The following PCSK5 variants were observed in gnomAD, a reference collection of about 807,000 sequenced individuals.
PCSK5 encodes the protein prohormone convertase 5.
PCSK5 carries 129 observed loss-of-function variants against 233.2 expected under a neutral mutation model. The ratio of observed to expected loss-of-function variants is 0.55; its 90% CI spans 0.48 to 0.64. The LOEUF (loss-of-function observed/expected upper bound fraction) is 0.64, where lower values mean the gene tolerates loss of function less well. Among genes scored for constraint, PCSK5 ranks in the 30% least tolerant of loss-of-function variants. The pLI is 0.00. For synonymous variants in PCSK5, 825 were observed against 879.2 expected (o/e 0.94, Z 1.09); for missense variants, 2,076 against 2,430.1 (o/e 0.85, Z 3.06).
intron 2 of PCSK5, among the ~76,000 whole-genome samples, chr9:75,960,283 G>T (rs542270447): frequency 6.6e-6 from 1 of 152,314 alleles, no homozygotes; most frequent in Admixed American, 6.5e-5. Context: ...TTACAAGCTG[G>T]AGAACTGAAG....
chr9:76,008,658 C>T (rs1827588935), intron 3 of PCSK5, among the ~76,000 whole-genome samples: 1 of 152,130 alleles, frequency 6.6e-6, no homozygotes, highest in Non-Finnish European at 1.5e-5. Flanking sequence ...GACAGGGTTT[C>T]ACTGTGTTGG....
chr9:76,172,834 T>G (rs1220271889), intron 13 of PCSK5, among the ~76,000 whole-genome samples: 2 of 152,154 alleles, frequency 1.3e-5, no homozygotes, highest in Admixed American at 6.5e-5. Flanking sequence ...AATACCCTGA[T>G]TGTGAAAAGC....
At chr9:76,219,664 C>G (rs183801886) in intron 20 of PCSK5, among the ~76,000 whole-genome samples, 1 of 152,108 alleles carries the variant, frequency 6.6e-6, no homozygotes, top group Non-Finnish European at 1.5e-5. Context: ...CTGGCAGTGT[C>G]GTGCTCACTC....
intron 3 of PCSK5, among the ~76,000 whole-genome samples, chr9:76,022,557 A>G (rs913724638): frequency 6.6e-6 from 1 of 152,170 alleles, no homozygotes; most frequent in Non-Finnish European, 1.5e-5. Flanking sequence ...CCCGAGTCTT[A>G]AGAACCTGGA....
At chr9:76,088,585 G>A (rs891298796) in intron 7 of PCSK5, among the ~76,000 whole-genome samples, 3 of 152,078 alleles carry the variant, frequency 2.0e-5, no homozygotes, top group African/African-American at 4.8e-5. Context: ...TTTTTTGAGG[G>A]GATGGATGAT....
chr9:76,348,684 G>A (rs1830039958), intron 35 of PCSK5, among the ~76,000 whole-genome samples: 1 of 151,888 alleles, frequency 6.6e-6, no homozygotes. Flanking sequence ...AATTTTGAAA[G>A]TACAATACAT....
chr9:76,218,738 C>G (rs1825627194), intron 20 of PCSK5, among the ~76,000 whole-genome samples: 1 of 152,158 alleles, frequency 6.6e-6, no homozygotes, highest in Non-Finnish European at 1.5e-5. Context: ...TAATTTCACA[C>G]AGCTGGAGAA....
chr9:76,063,337 T>C (rs1456901739), intron 5 of PCSK5, among the ~76,000 whole-genome samples: 1 of 138,722 alleles, frequency 7.2e-6, no homozygotes, highest in Non-Finnish European at 1.6e-5. Flanking sequence ...TTTTTTTTTT[T>C]TTTTTTTTTT....
chr9:76,271,350 T>A (rs995589185), intron 24 of PCSK5, among the ~76,000 whole-genome samples: 1 of 152,240 alleles, frequency 6.6e-6, no homozygotes, highest in African/African-American at 2.4e-5. Context: ...TCTGGGCATA[T>A]GAGTTCCTTC....
chr9:76,054,442 C>G (rs986949638), intron 5 of PCSK5, among the ~76,000 whole-genome samples: 2 of 151,986 alleles, frequency 1.3e-5, no homozygotes, highest in African/African-American at 4.8e-5. Flanking sequence ...TAGACTGGGG[C>G]AGATAAAAGG....
chr9:76,302,360 G>T, intron 28 of PCSK5, 143 bp downstream of exon 28: 1 of 333,390 alleles, frequency 3.0e-6, no homozygotes. Flanking sequence ...AAAAGTTGGA[G>T]ACAGGAGGGG....
intron 8 of PCSK5, among the ~76,000 whole-genome samples, chr9:76,097,211 G>GT (rs1564024308): frequency 6.9e-6 from 1 of 145,320 alleles, no homozygotes; most frequent in Admixed American, 7.0e-5. Context: ...GGGATTACAG[G>GT]TGTAAGGCAC....
At position 76,362,478 on chromosome 9, in the gene PCSK5, C is replaced by A. The variant is rs1356291576; in HGVS notation, c.*3556C>A. On this transcript the variant is annotated 3_prime_UTR_variant, in exon 38 of 38. Coordinates refer to ENST00000674117, the MANE Select transcript of PCSK5 (RefSeq NM_001372043.1). ...TATCTTCCTACACTCAAAGACCAAG[C>A]TAGCTTTATCAATTCTGAATTTTCT... 1 of 152,186 alleles carries A rather than the reference C, an allele frequency of 6.6e-6. No homozygotes were observed. The highest frequency in any genetic ancestry group is 1.9e-4 in the East Asian group (1 of 5,186). 9.4% of individuals were successfully genotyped at this position (152,186 alleles called of 1,614,324 possible).
Position 76,295,398 on chromosome 9 carries a change from C to T in PCSK5, c.3309C>T (p.Gly1103=), listed in dbSNP as rs1441811382. Residue 1103 remains glycine, a synonymous_variant, in exon 26 of 38, where the codon GGC becomes GGT. Transcript: ENST00000674117. ...ATGGGTGTTACTGGTGTGAAGAGGG[C>T]TTCTTTCTCTTAGGTAAGTTAGAAA... ...DQNGCYWCEE[G]FFLLGGSCVR... The T allele has an allele frequency of 1.9e-6, 3 of 1,612,114 alleles. No homozygotes were observed. Among genetic ancestry groups the T allele is most frequent in the Non-Finnish European group, 2.5e-6 (3 of 1,179,646 alleles).
At chr9:76,111,878 A>AG (rs1491144085) in intron 9 of PCSK5, among the ~76,000 whole-genome samples, 1 of 152,106 alleles carries the variant, frequency 6.6e-6, no homozygotes, top group Admixed American at 6.5e-5. Flanking sequence ...TAGATCTATC[A>AG]GGGGGAAAAA....
At chr9:76,356,020 T>A (rs1047795959) in intron 37 of PCSK5, among the ~76,000 whole-genome samples, 3 of 152,152 alleles carry the variant, frequency 2.0e-5, no homozygotes, top group Admixed American at 1.3e-4. Flanking sequence ...GCATTTTCAA[T>A]TGGGTTTTAA....
chr9:76,284,563 G>A (rs1221804463), intron 24 of PCSK5, among the ~76,000 whole-genome samples: 20 of 123,954 alleles, frequency 1.6e-4, no homozygotes, highest in African/African-American at 5.6e-4. Flanking sequence ...GCAGAGTTTC[G>A]CTCTTCTTGC....
intron 2 of PCSK5, among the ~76,000 whole-genome samples, chr9:75,950,970 A>G (rs1824827973): frequency 1.3e-5 from 2 of 152,226 alleles, no homozygotes; most frequent in Admixed American, 1.3e-4. Context: ...TTATAGGCAA[A>G]GCAACCATTG....
rs1406686253 is a variant in PCSK5 at position 76,179,634 on chromosome 9, G to A, written c.1939G>A (p.Gly647Arg). 3.1e-6 allele frequency: 5 copies of A among 1,613,650 alleles called. No individual in the cohort carries two copies. Among genetic ancestry groups the A allele is most frequent in the Non-Finnish European group, 3.4e-6 (4 of 1,179,798 alleles). ...TGAGTGCAGTGAGGTTGGCTGTGAC[G>A]GGCCAGGACCAGACCACTGCAATGA... is the stretch of plus-strand genomic sequence containing the variant. Reference protein sequence around the residue: ...DPECSEVGCDGPGPDHCNDCL... With the variant: ...DPECSEVGCDRPGPDHCNDCL... Residue 647 changes from glycine to arginine, a missense_variant, in exon 15 of 38, where the codon GGG becomes AGG. By Grantham distance (125) the Gly-to-Arg change is moderately radical (BLOSUM62 -2). Around this residue, in one of 6 missense-constraint regions of PCSK5, gnomAD observed 84 missense variants for 108.8 expected, o/e 0.77. Transcript: ENST00000674117.
Sources: gnomAD v4.1 joint callset for allele counts (sites outside exome capture counted in the v4.1 genomes callset) on GRCh38, gnomAD v4.1.1 for gene constraint, gnomAD v4.1.1 regional missense constraint, MANE v1.5 for transcripts, NCBI Gene and HGNC (gene_info 2026-07-23, HGNC 2026-07-21) for gene names.